The following KCNK9 variants were observed in gnomAD, a reference collection of about 807,000 sequenced individuals.
KCNK9 encodes potassium two pore domain channel subfamily K member 9.
KCNK9 carries 1 observed loss-of-function variant against 10.8 expected under a neutral mutation model. The observed-to-expected ratio is 0.09, with a 90% confidence interval of 0.03 to 0.44. The LOEUF is 0.44. Among genes scored for constraint, KCNK9 ranks in the 20% least tolerant of loss-of-function variants. The pLI, the probability that KCNK9 is intolerant of heterozygous loss-of-function variation, is 0.97. For missense variants in KCNK9, 303 were observed against 515.0 expected (o/e 0.59, Z 3.98); for synonymous variants, 231 against 222.7 (o/e 1.04, Z -0.33).
chr8:139,647,566 T>C (rs1474510655), intron 1 of KCNK9, among the ~76,000 whole-genome samples: 2 of 152,206 alleles, frequency 1.3e-5, no homozygotes, highest in Non-Finnish European at 2.9e-5. Flanking sequence ...GGGACAGCTA[T>C]GCAAAGGCCC....
rs533873085 is a variant in KCNK9, at chr8:139,637,071, G to A, written c.284-17972C>T. 9.2e-5 allele frequency among the ~76,000 whole-genome samples: 14 copies of A among 152,398 alleles called. No individual in the cohort carries two copies. The East Asian group carries it at 2.5e-3, about 27-fold the overall frequency. ...GAAAAATGGGAATAGGAGATTCAAA[G>A]GAGGCTTTGGAAAGCTACAACATAC... On this transcript the variant is annotated intron_variant, in intron 1 of 1. Coordinates refer to ENST00000520439, the MANE Select transcript of KCNK9 (RefSeq NM_001282534.2).
In KCNK9 at chr8:139,702,957, G is replaced by A; in HGVS notation, c.36C>T (p.Ile12=). 1.9e-6 allele frequency: 3 copies of A among 1,607,392 alleles called. No individual in the cohort carries two copies. Among genetic ancestry groups the A allele is most frequent in the Non-Finnish European group, 1.7e-6 (2 of 1,177,238 alleles). The part of the protein sequence containing the change: ...KRQNVRTLSL[I]VCTFTYLLVG... Reference sequence around the variant, plus strand: ...CCAGCAGGTAGGTGAAGGTGCAGACGATGAGGGACAGAGTCCGCACGTTCT... The same window carrying A: ...CCAGCAGGTAGGTGAAGGTGCAGACAATGAGGGACAGAGTCCGCACGTTCT... The change falls in exon 1 of 2, where the codon ATC becomes ATT. Residue 12 remains isoleucine, a synonymous_variant. Coordinates refer to ENST00000520439, the MANE Select transcript of KCNK9 (RefSeq NM_001282534.2). The surrounding 1 kb of genome is among the most constrained non-coding windows in gnomAD (Gnocchi z 7.5).
chr8:139,615,215 C>T (rs1197055066), downstream of KCNK9, among the ~76,000 whole-genome samples: 2 of 152,134 alleles, frequency 1.3e-5, no homozygotes, highest in African/African-American at 4.8e-5. Flanking sequence ...GTGGGAAGAC[C>T]TAGAATCCTC....
intron 1 of KCNK9, among the ~76,000 whole-genome samples, chr8:139,694,263 C>T (rs1395076992): frequency 2.0e-5 from 3 of 152,168 alleles, no homozygotes; most frequent in East Asian, 3.9e-4. Flanking sequence ...CTAATGAGCA[C>T]GCCCAAATGA....
At chr8:139,658,205 G>A (rs60600683) in intron 1 of KCNK9, among the ~76,000 whole-genome samples, 24,041 of 152,158 alleles carry the variant, frequency 0.16, 2,084 homozygotes, top group African/African-American at 0.24. Context: ...GGGCTAGCAG[G>A]GGGCAGCTAT....
chr8:139,651,109 G>A (rs960559870), intron 1 of KCNK9, among the ~76,000 whole-genome samples: 1 of 152,150 alleles, frequency 6.6e-6, no homozygotes, highest in Non-Finnish European at 1.5e-5. Context: ...GCAGGTCAGG[G>A]TGCATTTTCC....
In KCNK9 at chr8:139,658,932, G is replaced by A. The variant is rs150320776; in HGVS notation, c.284-39833C>T. Among the ~76,000 whole-genome samples, 405 of 152,378 alleles carry A rather than the reference G, an allele frequency of 2.7e-3. 3 individuals are homozygous for A. The Middle Eastern group carries it at 0.037, about 14-fold the overall frequency. The stretch of plus-strand genomic sequence containing the variant: ...CCACTGCTGTGGATGAGGGTACACG[G>A]GAAGGACTAAGGTTTGCTGAGGCAG... On this transcript the variant is annotated intron_variant, in intron 1 of 1. Coordinates refer to ENST00000520439, the MANE Select transcript of KCNK9 (RefSeq NM_001282534.2).
intron 1 of KCNK9, among the ~76,000 whole-genome samples, chr8:139,639,710 C>T (rs1815443767): frequency 6.6e-6 from 1 of 152,224 alleles, no homozygotes. Flanking sequence ...GAAGCCCAGT[C>T]TCTGGGTGAC....
At chr8:139,659,540 C>G (rs1466527649) in intron 1 of KCNK9, among the ~76,000 whole-genome samples, 4 of 152,198 alleles carry the variant, frequency 2.6e-5, no homozygotes, top group African/African-American at 9.7e-5. Flanking sequence ...GAGACGGAGT[C>G]TCGCTCTGTC....
chr8:139,691,233 G>T (rs1816928799), intron 1 of KCNK9, among the ~76,000 whole-genome samples: 1 of 152,132 alleles, frequency 6.6e-6, no homozygotes, highest in Non-Finnish European at 1.5e-5. Flanking sequence ...GTCCACAAGT[G>T]TCCTGCAGAT....
chr8:139,639,272 T>C (rs2615379), intron 1 of KCNK9, among the ~76,000 whole-genome samples: 63,921 of 152,120 alleles, frequency 0.42, 14,006 homozygotes, highest in Admixed American at 0.5. Context: ...CTGGGACAGT[T>C]CCAGCATCAT....
chr8:139,684,332 G>A (rs1419456469), intron 1 of KCNK9, among the ~76,000 whole-genome samples: 2 of 152,112 alleles, frequency 1.3e-5, no homozygotes, highest in Non-Finnish European at 2.9e-5. Context: ...TTTTCTTTCT[G>A]TCTTTTCTCC....
chr8:139,631,366 G>A (rs889943390), intron 1 of KCNK9, among the ~76,000 whole-genome samples: 1 of 152,180 alleles, frequency 6.6e-6, no homozygotes, highest in African/African-American at 2.4e-5. Flanking sequence ...GATACCCTTT[G>A]CGGGGTCAGT....
intron 1 of KCNK9, among the ~76,000 whole-genome samples, chr8:139,659,858 TCAAGTATA>T (rs1437844184): frequency 7.2e-5 from 11 of 151,906 alleles, no homozygotes; most frequent in African/African-American, 2.7e-4. Flanking sequence ...AGAACAATGA[TCAAGTATA>T]CTGCCTTTTG....
chr8:139,642,231 G>C (rs778454282), intron 1 of KCNK9, among the ~76,000 whole-genome samples: 10 of 152,138 alleles, frequency 6.6e-5, no homozygotes, highest in African/African-American at 1.4e-4. Context: ...TCCCCACCAA[G>C]AGCAGCCTGT....
At chr8:139,670,338 CA>C (rs1263447316) in intron 1 of KCNK9, among the ~76,000 whole-genome samples, 1 of 152,116 alleles carries the variant, frequency 6.6e-6, no homozygotes, top group Non-Finnish European at 1.5e-5. Context: ...CGCAGAGACC[CA>C]AAGTGAGCAC....
intron 1 of KCNK9, among the ~76,000 whole-genome samples, chr8:139,628,569 T>C (rs749412380): frequency 6.6e-6 from 1 of 152,208 alleles, no homozygotes; most frequent in African/African-American, 2.4e-5. Context: ...GCCCCAGCCC[T>C]GAGCTGCCCT....
intron 1 of KCNK9, among the ~76,000 whole-genome samples, chr8:139,685,965 G>T (rs1201542214): frequency 2.0e-5 from 3 of 152,102 alleles, no homozygotes; most frequent in Non-Finnish European, 4.4e-5. Flanking sequence ...ACTTTTTAAT[G>T]ATCACCATTC....
intron 1 of KCNK9, among the ~76,000 whole-genome samples, chr8:139,642,286 G>A (rs1815527201): frequency 6.6e-6 from 1 of 152,210 alleles, no homozygotes. Context: ...AGACTTGGGA[G>A]AGGTGAAGAA....
Sources: allele counts gnomAD v4.1 joint callset (sites outside exome capture counted in the v4.1 genomes callset), GRCh38; gene constraint gnomAD v4.1.1; non-coding constraint Gnocchi (gnomAD v3.1); transcripts MANE v1.5; gene names NCBI Gene and HGNC (gene_info 2026-07-23, HGNC 2026-07-21).